Variants in MAP3K14 observed in about 807,000 individuals in gnomAD.
The protein encoded by MAP3K14 is mitogen-activated protein kinase kinase kinase 14.
In MAP3K14, 16 loss-of-function variants were observed where a neutral mutation model predicts 99.2. The observed-to-expected ratio is 0.16, with a 90% CI of 0.11 to 0.24. MAP3K14 has a LOEUF of 0.24. Among genes scored for constraint, MAP3K14 ranks in the 10% least tolerant of loss-of-function variants. The pLI is 1.00. For synonymous variants in MAP3K14, 462 were observed against 492.4 expected (o/e 0.94, Z 0.82); for missense variants, 784 against 1,208.7 (o/e 0.65, Z 5.21).
chr17:45,269,581 G>A (rs1193190779), intron 11 of MAP3K14, among the ~76,000 whole-genome samples: 8 of 152,142 alleles, frequency 5.3e-5, no homozygotes, highest in Non-Finnish European at 8.8e-5. Context: ...ACCATCCCAC[G>A]TACTGGGAGG....
intron 1 of MAP3K14, among the ~76,000 whole-genome samples, chr17:45,308,527 G>GTA (rs2044447214): frequency 6.6e-6 from 1 of 152,142 alleles, no homozygotes; most frequent in Non-Finnish European, 1.5e-5. Context: ...TTTTTGAGAA[G>GTA]AGGACTTGTT....
In MAP3K14 at chr17:45,287,239, G is replaced by A; in HGVS notation, c.452C>T (p.Ser151Leu). The A allele has an allele frequency of 7.4e-6, 12 of 1,614,010 alleles. No individual in the cohort carries two copies. The highest frequency in any genetic ancestry group is 1.0e-5 in the Non-Finnish European group (12 of 1,179,886). The change falls in exon 4 of 16, where the codon TCA becomes TTA. Residue 151 changes from serine to leucine, a missense_variant. Ser to Leu is a moderately radical substitution (Grantham distance 145, BLOSUM62 -2). Coordinates refer to ENST00000344686, the MANE Select transcript of MAP3K14 (RefSeq NM_003954.5). The part of the protein sequence containing the change: ...KARKKRKKKS[S>L]KSLAHAGVAL... ...CACTCCTGCATGAGCCAGGGACTTT[G>A]AGCTCTTCTTCTTCCGTTTCTTCCG... is the stretch of plus-strand genomic sequence containing the variant.
At chr17:45,310,242 G>T (rs951630975) in intron 1 of MAP3K14, among the ~76,000 whole-genome samples, 1 of 151,768 alleles carries the variant, frequency 6.6e-6, no homozygotes, top group Non-Finnish European at 1.5e-5. Flanking sequence ...CACCATGTTG[G>T]CCAGGATGGT....
chr17:45,265,033 C>T lies in MAP3K14; in HGVS notation c.2679+130G>A, dbSNP rs34992754. ...GGAAATGCTTTGAGGTCCTGGGGGA[C>T]GTTGAAGGCCAATTCCAAGTATTCC... is the stretch of plus-strand genomic sequence containing the variant. On this transcript the variant is annotated intron_variant, in intron 15 of 15. Transcript: ENST00000344686. 2.1e-3 allele frequency: 1,821 copies of T among 852,670 alleles called. 17 individuals carry two copies. In the African/African-American group the frequency reaches 0.022, roughly 10 times the overall value. 52.8% of individuals were successfully genotyped at this position (852,670 alleles called of 1,614,324 possible). A position where few individuals can be genotyped will look rare whatever the true frequency, so the allele number is the denominator to read the frequency against.
chr17:45,312,578 C>T (rs1306560076), intron 1 of MAP3K14, among the ~76,000 whole-genome samples: 3 of 151,876 alleles, frequency 2.0e-5, no homozygotes, highest in African/African-American at 4.8e-5. Flanking sequence ...TTAAAACAAA[C>T]GTTTTTCTTT....
chr17:45,302,115 G>A (rs2044393303), intron 1 of MAP3K14, among the ~76,000 whole-genome samples: 1 of 151,716 alleles, frequency 6.6e-6, no homozygotes, highest in Non-Finnish European at 1.5e-5. Flanking sequence ...ACAGGCATGA[G>A]CCACTGCGCC....
intron 11 of MAP3K14, among the ~76,000 whole-genome samples, chr17:45,268,833 G>T (rs987751275): frequency 6.6e-6 from 1 of 152,112 alleles, no homozygotes; most frequent in African/African-American, 2.4e-5. Context: ...GTTTGTCAGT[G>T]CACCCAGGGG....
chr17:45,265,376 G>C (rs2044069702), intron 14 of MAP3K14, 113 bp from the exon 15 acceptor site: 2 of 716,606 alleles, frequency 2.8e-6, no homozygotes, highest in East Asian at 2.5e-5. Flanking sequence ...GCCCTATGTA[G>C]GGGGAGCAGG....
intron 15 of MAP3K14, among the ~76,000 whole-genome samples, 165 bp from the exon 16 acceptor site, chr17:45,264,965 A>G (rs1425796981): frequency 6.6e-6 from 1 of 150,890 alleles, no homozygotes; most frequent in African/African-American, 2.4e-5. Context: ...GTAGGTCTGG[A>G]GGACCTCTTT....
At chr17:45,281,967 C>T (rs973034780) in intron 6 of MAP3K14, 31 of 152,144 alleles carry the variant, frequency 2.0e-4, no homozygotes, top group African/African-American at 7.0e-4. Flanking sequence ...TAATTGCAAA[C>T]AAATATAGGC....
In MAP3K14 at chr17:45,283,795, G is replaced by A. The variant is rs771397317; in HGVS notation, c.1290+1017C>T. ...GCCACTTGAAACAAGGTATATCTCA[G>A]AGCTTACTTCACCCTGCCCAGAGGG... On this transcript the variant is annotated intron_variant, in intron 6 of 15. Coordinates refer to ENST00000344686, the MANE Select transcript of MAP3K14 (RefSeq NM_003954.5). Among the ~76,000 whole-genome samples the A allele has an allele frequency of 2.8e-4, 42 of 152,350 alleles. No individual in the cohort carries two copies. The Middle Eastern group carries it at 0.01, about 37-fold the overall frequency.
chr17:45,266,303 A>G (rs2044081497), intron 14 of MAP3K14: 1 of 449,954 alleles, frequency 2.2e-6, no homozygotes, highest in African/African-American at 1.9e-5. Flanking sequence ...GACTCCATCA[A>G]CTGACAATGA....
At position 45,264,483 on chromosome 17, in the gene MAP3K14, G is replaced by T; in HGVS notation, c.*153C>A. On this transcript the variant is annotated 3_prime_UTR_variant, in exon 16 of 16. Transcript: ENST00000344686. Reference sequence around the variant, plus strand: ...TGAAATCCTGGGAGGCATTCTGCTTGCCCCCACCTTGCTGCTGCGAGGCCC... The same window carrying T: ...TGAAATCCTGGGAGGCATTCTGCTTTCCCCCACCTTGCTGCTGCGAGGCCC... 1 of 906,556 alleles carries T rather than the reference G, an allele frequency of 1.1e-6. No homozygotes were observed. The highest frequency in any genetic ancestry group is 1.6e-6 in the Non-Finnish European group (1 of 623,108). The allele number at this position is 906,556 out of a possible 1,614,324, so 56.2% of individuals were successfully genotyped here. A position where few individuals can be genotyped will look rare whatever the true frequency, so the allele number is the denominator to read the frequency against.
intron 6 of MAP3K14, among the ~76,000 whole-genome samples, chr17:45,283,022 T>G (rs1472652154): frequency 6.6e-6 from 1 of 152,202 alleles, no homozygotes; most frequent in Non-Finnish European, 1.5e-5. Context: ...AGTCCATGCC[T>G]TGTGCTTGGA....
intron 10 of MAP3K14, 69 bp downstream of exon 10, chr17:45,270,989 C>G (rs1423110788): frequency 6.4e-7 from 1 of 1,556,642 alleles, no homozygotes; most frequent in Non-Finnish European, 8.7e-7. Flanking sequence ...AGCAGCCCCT[C>G]CAGCCTGCAG....
intron 10 of MAP3K14, 153 bp downstream of exon 10, chr17:45,270,905 T>G (rs975981134): frequency 9.1e-6 from 10 of 1,101,278 alleles, no homozygotes; most frequent in South Asian, 1.4e-5. Context: ...TACCCCCAGA[T>G]TTGGGTGGCA....
chr17:45,271,390 G>C (rs990933562), intron 9 of MAP3K14, among the ~76,000 whole-genome samples, 169 bp from the exon 10 acceptor site: 1 of 152,180 alleles, frequency 6.6e-6, no homozygotes, highest in Non-Finnish European at 1.5e-5. Flanking sequence ...CTGTCACCCA[G>C]GCTGGAGTAC....
intron 7 of MAP3K14, 104 bp downstream of exon 7, chr17:45,274,360 G>T (rs1284934870): frequency 6.3e-7 from 1 of 1,576,646 alleles, no homozygotes; most frequent in Non-Finnish European, 8.6e-7. Context: ...ACAGGGTCAA[G>T]AGGTTAACAA....
intron 1 of MAP3K14, among the ~76,000 whole-genome samples, chr17:45,308,156 C>T (rs1403232064): frequency 1.3e-5 from 2 of 152,226 alleles, no homozygotes; most frequent in African/African-American, 4.8e-5. Context: ...TCGTCCTCCC[C>T]GAGGCCAGCA....
Sources: gnomAD v4.1 joint callset for allele counts (sites outside exome capture counted in the v4.1 genomes callset) on GRCh38, gnomAD v4.1.1 for gene constraint, MANE v1.5 for transcripts, NCBI Gene and HGNC (gene_info 2026-07-23, HGNC 2026-07-21) for gene names.